GOT2: variants seen among roughly 807,000 people sequenced by gnomAD.
The protein encoded by GOT2 is aspartate aminotransferase, mitochondrial.
A neutral mutation model predicts 50.0 loss-of-function variants in GOT2; 17 were observed. The ratio of observed to expected loss-of-function variants is 0.34; its 90% CI spans 0.23 to 0.51. The LOEUF is 0.51. GOT2 is among the 20% of genes least tolerant of loss of function. The pLI is 0.97. For missense variants in GOT2, 430 were observed against 559.6 expected, an observed-to-expected ratio of 0.77 and a Z score of 2.34; for synonymous variants, 172 against 204.9, an observed-to-expected ratio of 0.84 and a Z score of 1.37.
intron 9 of GOT2, 99 bp from the exon 10 acceptor site, chr16:58,708,392 C>A: frequency 8.7e-7 from 1 of 1,144,546 alleles, no homozygotes; most frequent in South Asian, 1.5e-5. Context: ...TCTATTTCCT[C>A]GCTTAAAACC....
At chr16:58,719,750 G>T (rs2044725993) in intron 3 of GOT2, among the ~76,000 whole-genome samples, 1 of 151,864 alleles carries the variant, frequency 6.6e-6, no homozygotes, top group African/African-American at 2.4e-5. Flanking sequence ...GTGAGACTCT[G>T]TCTCAAAAAA....
chr16:58,730,267 T>A (rs1361414277), intron 1 of GOT2, among the ~76,000 whole-genome samples: 1 of 152,170 alleles, frequency 6.6e-6, no homozygotes, highest in African/African-American at 2.4e-5. Context: ...GGTGTACAGA[T>A]AATTTCATCA....
chr16:58,708,385 A>G (rs2044620283), intron 9 of GOT2, 92 bp from the exon 10 acceptor site: 2 of 1,243,206 alleles, frequency 1.6e-6, no homozygotes, highest in Admixed American at 2.2e-5. Flanking sequence ...CCAACGCTCT[A>G]TTTCCTCGCT....
chr16:58,725,182 T>C (rs1000522007), intron 1 of GOT2, among the ~76,000 whole-genome samples: 2 of 151,894 alleles, frequency 1.3e-5, no homozygotes, highest in African/African-American at 4.8e-5. Flanking sequence ...TGGCGTGATC[T>C]TGGCTCACTG....
chr16:58,732,893 A>G (rs1452921229), intron 1 of GOT2, among the ~76,000 whole-genome samples: 3 of 152,332 alleles, frequency 2.0e-5, no homozygotes, highest in Admixed American at 6.5e-5. Flanking sequence ...CCCACTAGGT[A>G]GGCAGACTTA....
chr16:58,727,015 A>C (rs2044791615), intron 1 of GOT2, among the ~76,000 whole-genome samples: 1 of 152,030 alleles, frequency 6.6e-6, no homozygotes, highest in South Asian at 2.1e-4. Context: ...TTATCTAGGC[A>C]AGGTGGCGTG....
intron 1 of GOT2, among the ~76,000 whole-genome samples, chr16:58,730,411 G>T (rs1403602010): frequency 1.3e-5 from 2 of 151,624 alleles, no homozygotes; most frequent in African/African-American, 2.4e-5. Flanking sequence ...TTGAGACAGG[G>T]TCTCACTCTG....
chr16:58,713,059 A>G (rs2152093991), intron 8 of GOT2, among the ~76,000 whole-genome samples: 1 of 152,336 alleles, frequency 6.6e-6, no homozygotes, highest in South Asian at 2.1e-4. Flanking sequence ...AGATTGTGCC[A>G]TTGCACTCCA....
chr16:58,709,611 G>A (rs1016486582), intron 8 of GOT2, 44 bp from the exon 9 acceptor site: 3 of 1,555,866 alleles, frequency 1.9e-6, no homozygotes, highest in Middle Eastern at 1.7e-4. Context: ...CCTAAGCACT[G>A]ACCGATATGC....
intron 6 of GOT2, 53 bp downstream of exon 6, chr16:58,718,143 C>T: frequency 7.8e-7 from 1 of 1,275,060 alleles, no homozygotes; most frequent in South Asian, 1.2e-5. Flanking sequence ...AATTAAGCCT[C>T]CAAAGCTGGT....
intron 3 of GOT2, among the ~76,000 whole-genome samples, chr16:58,719,703 C>T (rs539059598): frequency 2.0e-5 from 3 of 151,870 alleles, no homozygotes; most frequent in East Asian, 1.9e-4. Context: ...TGCAGTGAGC[C>T]GAGACTGTGC....
At chr16:58,730,501 T>A (rs1329779588) in intron 1 of GOT2, among the ~76,000 whole-genome samples, 1 of 151,796 alleles carries the variant, frequency 6.6e-6, no homozygotes, top group Non-Finnish European at 1.5e-5. Context: ...CCTCCCCGAG[T>A]AGCTGGGACT....
chr16:58,734,071 C>G, intron 1 of GOT2, 69 bp downstream of exon 1: 1 of 872,934 alleles, frequency 1.1e-6, no homozygotes, highest in Non-Finnish European at 1.6e-6. Flanking sequence ...GGGTGAATGT[C>G]CTGGGGTGCT....
At chr16:58,717,207 CTG>C (rs942798649) in intron 6 of GOT2, among the ~76,000 whole-genome samples, 3 of 152,014 alleles carry the variant, frequency 2.0e-5, no homozygotes, top group African/African-American at 7.2e-5. Context: ...GATGCTGTCT[CTG>C]TGAAAAATAG....
At chr16:58,718,112 C>G in intron 6 of GOT2, 84 bp downstream of exon 6, 1 of 953,308 alleles carries the variant, frequency 1.0e-6, no homozygotes, top group Non-Finnish European at 1.7e-6. Flanking sequence ...GAGGTTAAGA[C>G]TCTCTGTTGA....
rs149697064 is a variant in GOT2 at position 58,732,787 on chromosome 16, T to C, written c.89+1353A>G. ...ATAAAACAAGGTATTATTTTAAGAT[T>C]ACTGCAATAGGGAAACATACTTTCT... On this transcript the variant is annotated intron_variant, in intron 1 of 9. Transcript: ENST00000245206. Among the ~76,000 whole-genome samples, 227 of 152,364 alleles carry C rather than the reference T, an allele frequency of 1.5e-3. 3 individuals are homozygous for C. In the East Asian group the frequency reaches 0.033, roughly 22 times the overall value.
At chr16:58,719,320 CACTGCTT>C in intron 3 of GOT2, 65 bp from the exon 4 acceptor site, 1 of 1,101,338 alleles carries the variant, frequency 9.1e-7, no homozygotes, top group Non-Finnish European at 1.4e-6. Context: ...GACCCAGGGC[CACTGCTT>C]TGTCCAGGAC....
At position 58,707,985 on chromosome 16, in the gene GOT2, G is replaced by T; in HGVS notation, c.*186C>A. ...TTTAATATTCCAGACGCCAGCCATG[G>T]ATGCCTCTGCCCTGTGTCACTACAT... On this transcript the variant is annotated 3_prime_UTR_variant, in exon 10 of 10. Transcript: ENST00000245206. The T allele has an allele frequency of 2.3e-6, 1 of 438,124 alleles. No homozygotes were observed. The allele number at this position is 438,124 out of a possible 1,614,324, so 27.1% of individuals were successfully genotyped here.
intron 8 of GOT2, among the ~76,000 whole-genome samples, chr16:58,712,401 C>A (rs1438848721): frequency 6.6e-6 from 1 of 152,118 alleles, no homozygotes; most frequent in Non-Finnish European, 1.5e-5. Flanking sequence ...GATCCCAGCT[C>A]AGGGGAGCCT....
Sources: allele counts gnomAD v4.1 joint callset (sites outside exome capture counted in the v4.1 genomes callset), GRCh38; gene constraint gnomAD v4.1.1; transcripts MANE v1.5; gene names NCBI Gene and HGNC (gene_info 2026-07-23, HGNC 2026-07-21).